The following POM121 variants were observed in gnomAD, a reference collection of about 807,000 sequenced individuals.
The protein encoded by POM121 is nuclear envelope pore membrane protein POM 121.
In POM121, 32 loss-of-function variants were observed where a neutral mutation model predicts 81.3. That is an observed-to-expected ratio of 0.39 (90% CI 0.30 to 0.53). The LOEUF (loss-of-function observed/expected upper bound fraction) is 0.53, where lower values mean the gene tolerates loss of function less well. POM121 is among the 20% of genes least tolerant of loss of function. POM121 has a pLI of 0.66. For missense variants in POM121, 1,138 were observed against 1,614.6 expected (o/e 0.70, Z 5.06); for synonymous variants, 514 against 694.2 (o/e 0.74, Z 4.08).
chr7:72,908,303 C>G (rs577452028), intron 3 of POM121, among the ~76,000 whole-genome samples: 1 of 152,210 alleles, frequency 6.6e-6, no homozygotes, highest in African/African-American at 2.4e-5. Flanking sequence ...TCGGCAGGTT[C>G]CGTGATGCCC....
chr7:72,916,013 ATTTG>A (rs1353844238), intron 4 of POM121, among the ~76,000 whole-genome samples: 3 of 151,988 alleles, frequency 2.0e-5, no homozygotes, highest in Non-Finnish European at 1.5e-5. Flanking sequence ...TTCCTTGTAA[ATTTG>A]TTTAAGTTCC....
chr7:72,907,533 CAG>C (rs759703953), intron 3 of POM121, among the ~76,000 whole-genome samples: 22 of 150,290 alleles, frequency 1.5e-4, no homozygotes, highest in Non-Finnish European at 2.7e-4. Context: ...TTTTTTGAGA[CAG>C]AGTCTCACTC....
At position 72,925,300 on chromosome 7, in the gene POM121, T is replaced by TG; in HGVS notation, c.184dup (p.Ala62GlyfsTer69). 6.5e-7 allele frequency: 1 copy of TG among 1,534,410 alleles called. No individual in the cohort carries two copies. Among genetic ancestry groups the TG allele is most frequent in the Non-Finnish European group, 8.7e-7 (1 of 1,146,438 alleles). ...GCGGCTGCACTGGCCTGGCTGACCG[T>TG]GGGGGCTACCGCGGCCTGGTGGGGA... On this transcript the variant is annotated frameshift_variant, in exon 1 of 13. Coordinates refer to ENST00000434423, the MANE Select transcript of POM121 (RefSeq NM_001387691.1). LOFTEE classifies it high-confidence loss of function.
intron 1 of POM121, among the ~76,000 whole-genome samples, chr7:72,882,848 C>T (rs1254433418): frequency 2.0e-5 from 3 of 152,222 alleles, no homozygotes; most frequent in African/African-American, 7.2e-5. Context: ...TAAAGGTGAC[C>T]AGTGATTTAA....
intron 3 of POM121, among the ~76,000 whole-genome samples, chr7:72,911,465 A>G (rs1263366001): frequency 6.6e-6 from 1 of 152,228 alleles, no homozygotes; most frequent in Admixed American, 6.5e-5. Flanking sequence ...GTGATGAAAC[A>G]TCCTACCCAT....
At chr7:72,934,296 G>T (rs1796302605) in intron 5 of POM121, among the ~76,000 whole-genome samples, 2 of 152,012 alleles carry the variant, frequency 1.3e-5, no homozygotes. Context: ...TGTTGGCTAG[G>T]ATGGTCTCGA....
chr7:72,945,897 G>T (rs1352166173), intron 12 of POM121, among the ~76,000 whole-genome samples, 189 bp downstream of exon 12: 1 of 152,112 alleles, frequency 6.6e-6, no homozygotes, highest in African/African-American at 2.4e-5. Context: ...GCTGTCCGGG[G>T]TGGAAGTTTG....
chr7:72,909,470 T>A (rs1373813070), intron 3 of POM121, among the ~76,000 whole-genome samples: 1 of 152,242 alleles, frequency 6.6e-6, no homozygotes. Context: ...TGTTATGTTA[T>A]GAGGCTGTAT....
At chr7:72,893,765 A>G (rs1791555338) in intron 3 of POM121, among the ~76,000 whole-genome samples, 1 of 152,104 alleles carries the variant, frequency 6.6e-6, no homozygotes, top group African/African-American at 2.4e-5. Context: ...GCGCTCTGGC[A>G]GGTGGTGCTT....
chr7:72,907,879 A>G (rs1793421415), intron 3 of POM121, among the ~76,000 whole-genome samples: 1 of 152,090 alleles, frequency 6.6e-6, no homozygotes, highest in African/African-American at 2.4e-5. Flanking sequence ...TGAATGTGAG[A>G]GCGTTTGCTG....
chr7:72,896,750 C>T (rs1188697683), intron 3 of POM121, among the ~76,000 whole-genome samples: 61 of 151,460 alleles, frequency 4.0e-4, no homozygotes, highest in Non-Finnish European at 7.1e-4. Flanking sequence ...ACTGTTTACC[C>T]ATCCCACGAA....
chr7:72,914,979 G>T (rs1794159849), intron 4 of POM121, among the ~76,000 whole-genome samples: 1 of 152,104 alleles, frequency 6.6e-6, no homozygotes. Context: ...TTACTTACAG[G>T]TGGTACCTGT....
intron 1 of POM121, among the ~76,000 whole-genome samples, chr7:72,887,759 AGAGGT>A (rs1271932078): frequency 6.6e-6 from 1 of 152,182 alleles, no homozygotes; most frequent in Non-Finnish European, 1.5e-5. Flanking sequence ...CCCGGGAGAC[AGAGGT>A]TGCAGTGAGC....
intron 4 of POM121, among the ~76,000 whole-genome samples, chr7:72,916,067 C>G (rs1164042010): frequency 6.6e-6 from 1 of 152,106 alleles, no homozygotes; most frequent in East Asian, 1.9e-4. Flanking sequence ...AAGATCTGGA[C>G]CTGACCTTTG....
At chr7:72,948,531 C>T, downstream of POM121, 1 of 1,613,510 alleles carries the variant, frequency 6.2e-7, no homozygotes, top group Non-Finnish European at 8.5e-7. Context: ...TTTTTGCTCT[C>T]TTCTTTCTCT....
chr7:72,899,006 A>G (rs1241200081), intron 3 of POM121, among the ~76,000 whole-genome samples: 1 of 60,012 alleles, frequency 1.7e-5, no homozygotes, highest in African/African-American at 6.1e-5. Flanking sequence ...TTTTTTTTTT[A>G]GACAGAGTCT....
chr7:72,949,472 G>A (rs1554504308), downstream of POM121: 3 of 1,580,986 alleles, frequency 1.9e-6, no homozygotes, highest in Non-Finnish European at 2.6e-6. Context: ...CTGGCATCCA[G>A]GTCAAAGGCA....
At chr7:72,905,804 T>C (rs1315242412) in intron 3 of POM121, among the ~76,000 whole-genome samples, 1 of 152,228 alleles carries the variant, frequency 6.6e-6, no homozygotes, top group Non-Finnish European at 1.5e-5. Context: ...CTCCTGTAAA[T>C]GTCAGTTAGG....
rs1238150943 is a variant in POM121 at position 72,943,199 on chromosome 7, C to T, written c.3206C>T (p.Thr1069Ile). 3.7e-6 allele frequency: 6 copies of T among 1,613,234 alleles called. No individual in the cohort carries two copies. Among genetic ancestry groups the T allele is most frequent in the Non-Finnish European group, 5.1e-6 (6 of 1,179,812 alleles). Residue 1069 changes from threonine to isoleucine, a missense_variant, in exon 11 of 13, where the codon ACC becomes ATC. Around this residue, in one of 7 missense-constraint regions of POM121, gnomAD observed 336 missense variants for 344.3 expected, o/e 0.98. Transcript: ENST00000434423. ...ACTGCTGTCTTCTTCGGTGCAGCCA[C>T]CAGCTCCGGCTTTGGAGCCACCACC... ...GSTAVFFGAATSSGFGATTQT... is the reference protein window; with the variant it reads ...GSTAVFFGAAISSGFGATTQT...
Sources: gnomAD v4.1 joint callset for allele counts (sites outside exome capture counted in the v4.1 genomes callset) on GRCh38, gnomAD v4.1.1 for gene constraint, gnomAD v4.1.1 regional missense constraint, MANE v1.5 for transcripts, NCBI Gene and HGNC (gene_info 2026-07-23, HGNC 2026-07-21) for gene names.